CFAP47: variants seen among roughly 807,000 people sequenced by gnomAD.
The protein encoded by CFAP47 is cilia- and flagella-associated protein 47.
In CFAP47, 29 loss-of-function variants were observed where a neutral mutation model predicts 148.1. The observed-to-expected ratio is 0.20, with a 90% confidence interval of 0.15 to 0.27. CFAP47 has a LOEUF of 0.27. Ranked by LOEUF, CFAP47 falls within the 10% of genes least tolerant of loss-of-function variation. The pLI is 1.00. For missense variants in CFAP47, 1,872 were observed against 1,697.5 expected, an observed-to-expected ratio of 1.10 and a Z score of -1.81; for synonymous variants, 664 against 577.3, an observed-to-expected ratio of 1.15 and a Z score of -2.15.
chrX:36,227,329 C>T (rs1555991679), intron 45 of CFAP47, among the ~76,000 whole-genome samples: 1 of 111,542 alleles, frequency 9.0e-6, no homozygotes, highest in Non-Finnish European at 1.9e-5. Flanking sequence ...TATCCATTAT[C>T]AGCATGTTTT....
chrX:36,156,633 T>TA (rs760966306), intron 37 of CFAP47, among the ~76,000 whole-genome samples: 179 of 104,518 alleles, frequency 1.7e-3, no homozygotes, highest in African/African-American at 5.4e-3. Context: ...AGGTTTTTTT[T>TA]AAAAAAAAAT....
At chrX:36,377,597 A>G (rs1403123683) in intron 62 of CFAP47, among the ~76,000 whole-genome samples, 1 of 111,694 alleles carries the variant, frequency 9.0e-6, no homozygotes, top group African/African-American at 3.3e-5. Flanking sequence ...TGGTTTCTGG[A>G]TTTCTCACAA....
At chrX:36,062,040 GA>G (rs1312701043) in intron 26 of CFAP47, among the ~76,000 whole-genome samples, 3 of 111,203 alleles carry the variant, frequency 2.7e-5, no homozygotes, top group Non-Finnish European at 5.7e-5. Flanking sequence ...CTGCTTTGCA[GA>G]AAAAAGTTTA....
intron 37 of CFAP47, among the ~76,000 whole-genome samples, chrX:36,153,223 A>G (rs1396294949): frequency 2.7e-5 from 3 of 112,113 alleles, no homozygotes; most frequent in Non-Finnish European, 1.9e-5. Flanking sequence ...CTTCTACCCT[A>G]TTCCAAATGG....
In CFAP47 at chrX:36,217,736, A is replaced by G. The variant is rs1394435967; in HGVS notation, c.6818-10892A>G. ...GATTGTGTTCTATGTTATTTAAAAA[A>G]ATACACTTTAAGTCAAATAATGTAA... On this transcript the variant is annotated intron_variant, in intron 45 of 63. Coordinates refer to ENST00000378653, the MANE Select transcript of CFAP47 (RefSeq NM_001304548.2). 2.7e-5 allele frequency among the ~76,000 whole-genome samples: 3 copies of G among 112,357 alleles called. No individual in the cohort carries two copies. The East Asian group carries it at 8.4e-4, about 31-fold the overall frequency.
intron 2 of CFAP47, among the ~76,000 whole-genome samples, chrX:35,930,614 G>GT (rs1395379922): frequency 5.4e-5 from 6 of 111,032 alleles, no homozygotes; most frequent in Non-Finnish European, 9.5e-5. Flanking sequence ...TATGAATTTA[G>GT]TTTTTTGATG....
At chrX:36,014,305 A>T (rs921420599) in intron 21 of CFAP47, among the ~76,000 whole-genome samples, 10 of 111,736 alleles carry the variant, frequency 8.9e-5, no homozygotes, top group Non-Finnish European at 1.9e-4. Context: ...TTTGGATACA[A>T]GATAGATTTT....
intron 2 of CFAP47, among the ~76,000 whole-genome samples, chrX:35,937,641 T>G (rs73629575): frequency 0.067 from 7,383 of 110,734 alleles, 665 homozygotes; most frequent in African/African-American, 0.23. Context: ...ATTCTTGAGG[T>G]CCAGGGGAGT....
chrX:36,294,402 T>C (rs1193376264), intron 51 of CFAP47, among the ~76,000 whole-genome samples: 2 of 111,278 alleles, frequency 1.8e-5, no homozygotes, highest in Non-Finnish European at 3.8e-5. Context: ...AAGAAAGTGT[T>C]GATTGATTTG....
chrX:36,028,676 A>G (rs954886605), intron 22 of CFAP47, among the ~76,000 whole-genome samples: 2 of 111,550 alleles, frequency 1.8e-5, no homozygotes, highest in Non-Finnish European at 3.8e-5. Flanking sequence ...GTATATAGAA[A>G]CACTACTGAT....
At chrX:36,369,276 T>A (rs1234433049) in intron 62 of CFAP47, among the ~76,000 whole-genome samples, 1 of 111,311 alleles carries the variant, frequency 9.0e-6, no homozygotes, top group East Asian at 2.8e-4. Context: ...CTCTGACTCT[T>A]CTGTATTGAA....
Position 36,350,190 on chromosome X carries a change from T to C in CFAP47, c.8698+58T>C, listed in dbSNP as rs1941731929. 5.2e-6 allele frequency: 4 copies of C among 764,284 alleles called. No individual in the cohort carries two copies. The Admixed American group carries it at 1.2e-4, about 22-fold the overall frequency. The allele number at this position is 764,284 out of a possible 1,213,427, so 63.0% of individuals were successfully genotyped here. A position where few individuals can be genotyped will look rare whatever the true frequency, so the allele number is the denominator to read the frequency against. On this transcript the variant is annotated intron_variant, in intron 59 of 63. Coordinates refer to ENST00000378653, the MANE Select transcript of CFAP47 (RefSeq NM_001304548.2). Reference sequence around the variant, plus strand: ...ATTCTTAGAGACCTTAGATATTCTCTATTCCCATCTTTTTTGTTTGAAGTC... The same window carrying C: ...ATTCTTAGAGACCTTAGATATTCTCCATTCCCATCTTTTTTGTTTGAAGTC...
intron 2 of CFAP47, among the ~76,000 whole-genome samples, chrX:35,931,006 A>G (rs1434728938): frequency 9.0e-6 from 1 of 111,157 alleles, no homozygotes; most frequent in African/African-American, 3.3e-5. Context: ...AGTTTTTGAT[A>G]TTGGAAATTA....
chrX:36,002,009 G>A (rs991426607), intron 21 of CFAP47, among the ~76,000 whole-genome samples: 1 of 111,359 alleles, frequency 9.0e-6, no homozygotes, highest in Non-Finnish European at 1.9e-5. Flanking sequence ...CCAGGCAGTT[G>A]GTGCTTTGTA....
chrX:36,177,449 A>G (rs1939698328), intron 39 of CFAP47, among the ~76,000 whole-genome samples: 1 of 111,780 alleles, frequency 8.9e-6, no homozygotes, highest in South Asian at 3.7e-4. Context: ...CTGCCTCATA[A>G]TTTTATGAAA....
At chrX:36,380,540 T>C (rs782212256) in intron 63 of CFAP47, among the ~76,000 whole-genome samples, 13 of 111,687 alleles carry the variant, frequency 1.2e-4, no homozygotes, top group Non-Finnish European at 2.3e-4. Flanking sequence ...GCCTAACGGG[T>C]TCACGCCATT....
At chrX:36,193,502 C>CT (rs1430392430) in intron 42 of CFAP47, among the ~76,000 whole-genome samples, 2 of 110,514 alleles carry the variant, frequency 1.8e-5, no homozygotes, top group African/African-American at 3.3e-5. Flanking sequence ...CAACTTTTTT[C>CT]TTTTTTTGGG....
At chrX:36,152,331 A>G (rs1192406650) in intron 37 of CFAP47, among the ~76,000 whole-genome samples, 2 of 111,670 alleles carry the variant, frequency 1.8e-5, no homozygotes, top group East Asian at 5.7e-4. Flanking sequence ...AAATGACATT[A>G]TAGTCACTTT....
intron 56 of CFAP47, among the ~76,000 whole-genome samples, chrX:36,315,440 C>G (rs1556010787): frequency 1.8e-5 from 2 of 112,321 alleles, no homozygotes; most frequent in African/African-American, 6.5e-5. Context: ...TTTAACTTAA[C>G]TTTCAGTTAG....
Sources: gnomAD v4.1 joint callset for allele counts (sites outside exome capture counted in the v4.1 genomes callset) on GRCh38, gnomAD v4.1.1 for gene constraint, MANE v1.5 for transcripts, NCBI Gene and HGNC (gene_info 2026-07-23, HGNC 2026-07-21) for gene names.